The following ORC5 variants were observed in gnomAD, a reference collection of about 807,000 sequenced individuals.
The protein encoded by ORC5 is protein phosphatase 1, regulatory subunit 117.
Under a neutral mutation model 58.8 loss-of-function variants are expected in ORC5, and 39 were observed. That is an observed-to-expected ratio of 0.66 (90% CI 0.51 to 0.87). ORC5 has a LOEUF of 0.87. Among genes scored for constraint, ORC5 ranks in the 40% least tolerant of loss-of-function variants. The probability of loss-of-function intolerance (pLI) is 0.00; values close to 1 mark genes in which losing one functional copy is unlikely to be tolerated. For synonymous variants in ORC5, 218 were observed against 177.6 expected, an observed-to-expected ratio of 1.23 and a Z score of -1.81; for missense variants, 493 against 506.3, an observed-to-expected ratio of 0.97 and a Z score of 0.25.
chr7:104,130,285 T>C (rs1419599711), intron 13 of ORC5, among the ~76,000 whole-genome samples: 1 of 152,226 alleles, frequency 6.6e-6, no homozygotes, highest in East Asian at 1.9e-4. Flanking sequence ...CTTTCTAGAA[T>C]CAGCTTCCTA....
intron 12 of ORC5, among the ~76,000 whole-genome samples, chr7:104,140,848 G>T (rs1798662493): frequency 6.6e-6 from 1 of 152,084 alleles, no homozygotes; most frequent in African/African-American, 2.4e-5. Context: ...CCTACATTTT[G>T]CCTTTTAGCC....
At chr7:104,191,624 A>C (rs1315151091) in intron 5 of ORC5, among the ~76,000 whole-genome samples, 1 of 150,996 alleles carries the variant, frequency 6.6e-6, no homozygotes, top group Non-Finnish European at 1.5e-5. Context: ...GTAACCTAGC[A>C]ACTTGTTTAT....
intron 12 of ORC5, among the ~76,000 whole-genome samples, chr7:104,152,091 G>A (rs1036116259): frequency 3.9e-5 from 6 of 152,128 alleles, no homozygotes; most frequent in Non-Finnish European, 7.4e-5. Flanking sequence ...AAGGAATCAA[G>A]ACAATTTCTT....
At chr7:104,179,881 A>G (rs1799399760) in intron 8 of ORC5, among the ~76,000 whole-genome samples, 2 of 152,140 alleles carry the variant, frequency 1.3e-5, no homozygotes, top group Admixed American at 1.3e-4. Flanking sequence ...ATCTTGATTG[A>G]GGTGATAACT....
At chr7:104,151,311 A>C (rs1456057653) in intron 12 of ORC5, among the ~76,000 whole-genome samples, 2 of 152,214 alleles carry the variant, frequency 1.3e-5, no homozygotes, top group Non-Finnish European at 2.9e-5. Flanking sequence ...CAAGGAGACC[A>C]GATAGAAAGC....
intron 12 of ORC5, among the ~76,000 whole-genome samples, chr7:104,160,529 C>G (rs1311437309): frequency 1.3e-5 from 2 of 151,928 alleles, no homozygotes; most frequent in Non-Finnish European, 2.9e-5. Flanking sequence ...CTTAAAATGT[C>G]AACTAAAAAA....
Position 104,207,995 on chromosome 7 carries a change from C to G in ORC5, c.-91G>C. 1.6e-6 allele frequency: 2 copies of G among 1,286,642 alleles called. No homozygotes were observed. The highest frequency in any genetic ancestry group is 2.2e-6 in the Non-Finnish European group (2 of 897,288). 79.7% of individuals were successfully genotyped at this position (1,286,642 alleles called of 1,614,324 possible). A position where few individuals can be genotyped will look rare whatever the true frequency, so the allele number is the denominator to read the frequency against. ...TCTCCCGAGTCTGGCGGCCCACGCT[C>G]CCGCCGGAAACCGGACCCGCAGCGT... On this transcript the variant is annotated 5_prime_UTR_variant, in exon 1 of 14. Transcript: ENST00000297431.
chr7:104,203,187 A>G (rs1302595372), intron 2 of ORC5, among the ~76,000 whole-genome samples: 2 of 152,200 alleles, frequency 1.3e-5, no homozygotes, highest in Non-Finnish European at 2.9e-5. Context: ...AACTGTACAC[A>G]GTTCAGTATG....
intron 10 of ORC5, among the ~76,000 whole-genome samples, chr7:104,166,442 T>A (rs1434609075): frequency 6.6e-6 from 1 of 152,220 alleles, no homozygotes; most frequent in Non-Finnish European, 1.5e-5. Flanking sequence ...TGATGGATAA[T>A]TATTCACTAC....
Position 104,126,706 on chromosome 7 carries a change from T to C in ORC5, c.*142A>G. On this transcript the variant is annotated 3_prime_UTR_variant, in exon 14 of 14. Transcript: ENST00000297431. ...ACCCAGACCAATCAGAATATTTTCA[T>C]CAGATTCCATGCTGGGCCAGCACCT... 1 of 603,412 alleles carries C rather than the reference T, an allele frequency of 1.7e-6. No individual in the cohort carries two copies. The highest frequency in any genetic ancestry group is 2.9e-6 in the Non-Finnish European group (1 of 341,328). 37.4% of individuals were successfully genotyped at this position (603,412 alleles called of 1,614,324 possible).
At chr7:104,134,699 G>T (rs543510236) in intron 13 of ORC5, among the ~76,000 whole-genome samples, 1 of 152,200 alleles carries the variant, frequency 6.6e-6, no homozygotes, top group South Asian at 2.1e-4. Flanking sequence ...ACAACTAGAG[G>T]TAAGTCCAGG....
intron 8 of ORC5, among the ~76,000 whole-genome samples, chr7:104,175,447 A>G (rs1300042560): frequency 1.3e-5 from 2 of 152,204 alleles, no homozygotes; most frequent in Admixed American, 6.5e-5. Flanking sequence ...AAAGTTTTAG[A>G]GTGCTTTCAA....
chr7:104,178,422 G>A (rs372751845), intron 8 of ORC5, among the ~76,000 whole-genome samples: 1 of 152,128 alleles, frequency 6.6e-6, no homozygotes, highest in East Asian at 1.9e-4. Flanking sequence ...TTTTTTTCTT[G>A]TAAGTTTGTT....
chr7:104,173,838 A>ATTTTTTTTTTTTTT (rs746698932), intron 8 of ORC5, among the ~76,000 whole-genome samples: 1 of 122,756 alleles, frequency 8.1e-6, no homozygotes, highest in Non-Finnish European at 1.8e-5. Flanking sequence ...TGGGTTTAAA[A>ATTTTTTTTTTTTTT]TTTTTTCTTT....
chr7:104,138,817 T>A lies in ORC5; in HGVS notation c.1150-1924A>T, dbSNP rs990184672. Among the ~76,000 whole-genome samples the A allele has an allele frequency of 3.9e-5, 6 of 152,202 alleles. No individual in the cohort carries two copies. The highest frequency in any genetic ancestry group is 7.3e-5 in the Non-Finnish European group (5 of 68,036). The stretch of plus-strand genomic sequence containing the variant: ...TGAGCCCCCGCACCCAACCATTGCT[T>A]TAAAACTTATTGCTGATCGTGTACT... On this transcript the variant is annotated intron_variant, in intron 12 of 13. Transcript: ENST00000297431. The surrounding 1 kb of genome is among the most constrained non-coding windows in gnomAD (Gnocchi z 4.7).
intron 8 of ORC5, among the ~76,000 whole-genome samples, chr7:104,182,659 T>TA (rs1283193967): frequency 2.0e-5 from 3 of 152,084 alleles, no homozygotes; most frequent in African/African-American, 7.2e-5. Flanking sequence ...ATATACCAAA[T>TA]AAGAAAATAG....
intron 8 of ORC5, among the ~76,000 whole-genome samples, chr7:104,177,721 C>G (rs1219657744): frequency 1.3e-5 from 2 of 152,122 alleles, no homozygotes; most frequent in Non-Finnish European, 2.9e-5. Flanking sequence ...CTCTCCCTCC[C>G]CTTGCCCTCC....
At chr7:104,161,429 A>C (rs1799020781) in intron 11 of ORC5, among the ~76,000 whole-genome samples, 1 of 152,136 alleles carries the variant, frequency 6.6e-6, no homozygotes, top group Non-Finnish European at 1.5e-5. Flanking sequence ...GTGGCAGCGC[A>C]ATCATGGCTC....
At chr7:104,142,999 T>C (rs951792689) in intron 12 of ORC5, among the ~76,000 whole-genome samples, 14 of 152,208 alleles carry the variant, frequency 9.2e-5, no homozygotes, top group Middle Eastern at 3.2e-3. Context: ...TGGGAAGATA[T>C]GTAGTGAAGA....
Sources: allele counts gnomAD v4.1 joint callset (sites outside exome capture counted in the v4.1 genomes callset), GRCh38; gene constraint gnomAD v4.1.1; non-coding constraint Gnocchi (gnomAD v3.1); transcripts MANE v1.5; gene names NCBI Gene and HGNC (gene_info 2026-07-23, HGNC 2026-07-21).